NFATC2: variants seen among roughly 807,000 people sequenced by gnomAD.
NFATC2 encodes nuclear factor of activated T-cells, cytoplasmic 2.
In NFATC2, 22 loss-of-function variants were observed where a neutral mutation model predicts 87.3. That is an observed-to-expected ratio of 0.25 (90% CI 0.18 to 0.36). NFATC2 has a LOEUF of 0.36. Ranked by LOEUF, NFATC2 falls within the 10% of genes least tolerant of loss-of-function variation. The pLI is 1.00. For missense variants in NFATC2, 1,149 were observed against 1,259.1 expected (o/e 0.91, Z 1.32); for synonymous variants, 565 against 542.2 (o/e 1.04, Z -0.58).
chr20:51,440,838 G>A (rs113637026), intron 6 of NFATC2, among the ~76,000 whole-genome samples: 22 of 152,318 alleles, frequency 1.4e-4, no homozygotes, highest in African/African-American at 3.6e-4. Flanking sequence ...GGAAGTGTGC[G>A]GTTTGCAAGG....
At chr20:51,473,893 T>C in intron 5 of NFATC2, 87 bp downstream of exon 5, 1 of 1,438,384 alleles carries the variant, frequency 7.0e-7, no homozygotes, top group Non-Finnish European at 9.4e-7. Flanking sequence ...CCACCCCGGG[T>C]ACCTCGCCCA....
chr20:51,508,214 G>A lies in NFATC2; in HGVS notation c.1332+8570C>T, dbSNP rs1206756864. Among the ~76,000 whole-genome samples, 7 of 152,010 alleles carry A rather than the reference G, an allele frequency of 4.6e-5. No homozygotes were observed. In the South Asian group the frequency reaches 1.3e-3, roughly 27 times the overall value. On this transcript the variant is annotated intron_variant, in intron 3 of 10. Coordinates refer to ENST00000371564, the MANE Select transcript of NFATC2 (RefSeq NM_012340.5). ...TGAAAGCACCCCTCAGTGAACCTCC[G>A]TGTCTTCAGTTAGAAGATGAGTTAG...
chr20:51,421,580 G>T (rs1980927066), intron 9 of NFATC2, among the ~76,000 whole-genome samples: 1 of 152,368 alleles, frequency 6.6e-6, no homozygotes, highest in South Asian at 2.1e-4. Context: ...GACAGAGCAA[G>T]TGGATGTTCC....
intron 10 of NFATC2, among the ~76,000 whole-genome samples, chr20:51,392,415 C>A (rs4302264): frequency 0.11 from 17,328 of 152,168 alleles, 1,296 homozygotes; most frequent in East Asian, 0.26. Context: ...CCCACTTTGC[C>A]CACTGGGTAA....
chr20:51,394,374 TCTGTCTGTCCCCCCTCAGCA>T (rs1023324953), intron 10 of NFATC2, among the ~76,000 whole-genome samples: 2 of 147,608 alleles, frequency 1.4e-5, no homozygotes, highest in African/African-American at 5.1e-5. Context: ...TCTCCTGGTC[TCTGTCTGTCCCCCCTCAGCA>T]CTGTTCCCTC....
chr20:51,424,972 G>A (rs368046951), intron 9 of NFATC2, among the ~76,000 whole-genome samples: 63 of 152,176 alleles, frequency 4.1e-4, no homozygotes, highest in African/African-American at 1.5e-3. Context: ...ATGCTTTGTG[G>A]CCCTGCAAAG....
chr20:51,539,964 T>C (rs2076779955), intron 1 of NFATC2, among the ~76,000 whole-genome samples: 1 of 152,234 alleles, frequency 6.6e-6, no homozygotes, highest in African/African-American at 2.4e-5. Flanking sequence ...AAGCTACCTC[T>C]ACTGGGTAAT....
chr20:51,493,612 C>T (rs2075936590), intron 3 of NFATC2, among the ~76,000 whole-genome samples: 3 of 152,196 alleles, frequency 2.0e-5, no homozygotes, highest in Admixed American at 2.0e-4. Context: ...GCAGCTCCAT[C>T]TGAGGCCCCT....
intron 9 of NFATC2, among the ~76,000 whole-genome samples, chr20:51,431,268 C>G (rs1241692689): frequency 6.6e-6 from 1 of 152,208 alleles, no homozygotes; most frequent in Non-Finnish European, 1.5e-5. Context: ...CCCACCCTCT[C>G]CGACCTCCCA....
At chr20:51,399,624 A>T (rs954950736) in intron 9 of NFATC2, among the ~76,000 whole-genome samples, 1 of 152,202 alleles carries the variant, frequency 6.6e-6, no homozygotes, top group Non-Finnish European at 1.5e-5. Flanking sequence ...TTGGGCTCCA[A>T]CAGGAATTGG....
At chr20:51,415,060 G>A (rs1193319805) in intron 9 of NFATC2, among the ~76,000 whole-genome samples, 1 of 151,804 alleles carries the variant, frequency 6.6e-6, no homozygotes, top group Non-Finnish European at 1.5e-5. Context: ...AGACCAGCCT[G>A]GGCAACATAG....
intron 3 of NFATC2, among the ~76,000 whole-genome samples, chr20:51,485,413 CG>C (rs1448696747): frequency 6.6e-6 from 1 of 152,234 alleles, no homozygotes; most frequent in Non-Finnish European, 1.5e-5. Context: ...AACCCAGCCA[CG>C]GGCTCCCTAC....
intron 1 of NFATC2, among the ~76,000 whole-genome samples, chr20:51,534,458 C>T (rs2076686858): frequency 6.6e-6 from 1 of 152,182 alleles, no homozygotes. Flanking sequence ...CCTCAGCCTC[C>T]CTAGTAGCTG....
chr20:51,425,782 C>T (rs1048984041), intron 9 of NFATC2, among the ~76,000 whole-genome samples: 4 of 152,208 alleles, frequency 2.6e-5, no homozygotes, highest in Admixed American at 1.3e-4. Flanking sequence ...ATTCCTCCCC[C>T]GCCTGTTTCT....
intron 3 of NFATC2, among the ~76,000 whole-genome samples, chr20:51,486,892 C>T (rs1989755089): frequency 6.6e-6 from 1 of 151,968 alleles, no homozygotes; most frequent in South Asian, 2.1e-4. Flanking sequence ...TTATACCAGG[C>T]CAATTACACT....
chr20:51,558,491 G>A (rs553789584), intron 1 of NFATC2, among the ~76,000 whole-genome samples: 2 of 151,928 alleles, frequency 1.3e-5, no homozygotes, highest in Non-Finnish European at 2.9e-5. Context: ...TTTTGGGGGG[G>A]GGCGAGGTAA....
intron 10 of NFATC2, among the ~76,000 whole-genome samples, 181 bp downstream of exon 10, chr20:51,398,462 G>GTTTACT (rs1987556211): frequency 6.6e-6 from 1 of 152,142 alleles, no homozygotes. Context: ...GAGATTCTCA[G>GTTTACT]GGAGGTCCCC....
In NFATC2 at chr20:51,525,450, C is replaced by G. The variant is rs111343515; in HGVS notation, c.131-1340G>C. On this transcript the variant is annotated intron_variant, in intron 1 of 10. Coordinates refer to ENST00000371564, the MANE Select transcript of NFATC2 (RefSeq NM_012340.5). ...AGCCTGACCCTCTTCTAGCAGACACCCTGCCTCACTGCATCCTGTACAGGT... is the reference window on the plus strand; with the variant it reads ...AGCCTGACCCTCTTCTAGCAGACACGCTGCCTCACTGCATCCTGTACAGGT... Among the ~76,000 whole-genome samples the G allele has an allele frequency of 3.4e-3, 523 of 152,180 alleles. 2 individuals carry two copies. Among genetic ancestry groups the G allele is most frequent in the African/African-American group, 0.012 (490 of 41,506 alleles).
chr20:51,460,639 CT>C (rs11479407), intron 5 of NFATC2, among the ~76,000 whole-genome samples: 127,486 of 145,742 alleles, frequency 0.87, 55,537 homozygotes, highest in African/African-American at 0.9. Flanking sequence ...GTTTCTTCTT[CT>C]TTTTTTTTTT....
Sources: allele counts gnomAD v4.1 joint callset (sites outside exome capture counted in the v4.1 genomes callset), GRCh38; gene constraint gnomAD v4.1.1; transcripts MANE v1.5; gene names NCBI Gene and HGNC (gene_info 2026-07-23, HGNC 2026-07-21).